The following NEGR1 variants were observed in gnomAD, a reference collection of about 807,000 sequenced individuals.
NEGR1 encodes the protein IgLON family member 4.
Under a neutral mutation model 40.9 loss-of-function variants are expected in NEGR1, and 10 were observed. The observed-to-expected ratio is 0.24, with a 90% CI of 0.15 to 0.42. The LOEUF (loss-of-function observed/expected upper bound fraction) is 0.42, where lower values mean the gene tolerates loss of function less well. Among genes scored for constraint, NEGR1 ranks in the 10% least tolerant of loss-of-function variants. NEGR1 has a pLI of 1.00. For missense variants in NEGR1, 352 were observed against 438.9 expected (o/e 0.80, Z 1.77); for synonymous variants, 185 against 166.8 (o/e 1.11, Z -0.84).
intron 2 of NEGR1, among the ~76,000 whole-genome samples, chr1:71,873,207 C>T (rs1660330891): frequency 6.9e-6 from 1 of 145,910 alleles, no homozygotes; most frequent in Admixed American, 6.9e-5. Context: ...ACATGAATAA[C>T]ATTTATATTT....
intron 2 of NEGR1, among the ~76,000 whole-genome samples, chr1:71,794,710 C>G (rs911565926): frequency 6.6e-6 from 1 of 151,722 alleles, no homozygotes; most frequent in Admixed American, 6.6e-5. Flanking sequence ...AAAACACAAG[C>G]CAGATGAAAA....
At chr1:72,000,802 T>G (rs1646550484) in intron 1 of NEGR1, among the ~76,000 whole-genome samples, 1 of 152,160 alleles carries the variant, frequency 6.6e-6, no homozygotes, top group African/African-American at 2.4e-5. Flanking sequence ...TATTTTATAT[T>G]CTCAGGATCT....
intron 4 of NEGR1, among the ~76,000 whole-genome samples, chr1:71,617,142 G>A (rs374263207): frequency 9.8e-5 from 15 of 152,350 alleles, no homozygotes; most frequent in Admixed American, 8.5e-4. Context: ...CCAAAAGCAT[G>A]ATTCTCGTGA....
intron 1 of NEGR1, among the ~76,000 whole-genome samples, chr1:72,005,409 C>G (rs1234103238): frequency 6.6e-6 from 1 of 152,120 alleles, no homozygotes; most frequent in Non-Finnish European, 1.5e-5. Flanking sequence ...AGATTACATA[C>G]TCATTATTAG....
In NEGR1 at chr1:71,824,824, C is replaced by T. The variant is rs570608310; in HGVS notation, c.410-48527G>A. The stretch of plus-strand genomic sequence containing the variant: ...TAAGATTTGTCCACACTGCATGTGT[C>T]GTTGATTTATTCTTAGTTATTACTG... On this transcript the variant is annotated intron_variant, in intron 2 of 6. Transcript: ENST00000357731. 9.8e-4 allele frequency among the ~76,000 whole-genome samples: 149 copies of T among 152,048 alleles called. 2 individuals carry two copies. The highest frequency in any genetic ancestry group is 3.3e-3 in the African/African-American group (137 of 41,546).
At chr1:71,873,118 C>CAAAAAAAA (rs34592789) in intron 2 of NEGR1, among the ~76,000 whole-genome samples, 82 of 81,554 alleles carry the variant, frequency 1.0e-3, no homozygotes, top group Middle Eastern at 9.3e-3. Flanking sequence ...AAAGATGTAG[C>CAAAAAAAA]AAAAAAAAAA....
At chr1:71,428,619 A>C (rs1359688157) in intron 6 of NEGR1, among the ~76,000 whole-genome samples, 2 of 150,660 alleles carry the variant, frequency 1.3e-5, no homozygotes, top group African/African-American at 4.9e-5. Flanking sequence ...TATGTTTTAA[A>C]AACTTTGCAT....
chr1:72,126,517 T>C (rs140608135), intron 1 of NEGR1, among the ~76,000 whole-genome samples: 7 of 152,298 alleles, frequency 4.6e-5, no homozygotes, highest in Non-Finnish European at 7.3e-5. Context: ...AGCAGCACCA[T>C]ACTATGACAC....
chr1:71,935,117 T>C lies in NEGR1; in HGVS notation c.371A>G (p.His124Arg), dbSNP rs779311182. The part of the protein sequence containing the change: ...GPYTCSVQTQ[H>R]TPRTMQVHLT... ...ATGCACCTGCATTGTTCTGGGTGTA[T>C]GTTGAGTCTGAACAGAACACGTGTA... Residue 124 changes from histidine (H) to arginine (R), a missense_variant, in exon 2 of 7, where the codon CAT becomes CGT. Physicochemically the swap from His to Arg is conservative, Grantham distance 29. Coordinates refer to ENST00000357731, the MANE Select transcript of NEGR1 (RefSeq NM_173808.3). The C allele has an allele frequency of 1.2e-6, 2 of 1,613,120 alleles. No individual in the cohort carries two copies. Among genetic ancestry groups the C allele is most frequent in the Non-Finnish European group, 1.7e-6 (2 of 1,179,116 alleles).
chr1:71,489,232 C>G (rs1646908653), intron 6 of NEGR1, among the ~76,000 whole-genome samples: 1 of 151,752 alleles, frequency 6.6e-6, no homozygotes, highest in Non-Finnish European at 1.5e-5. Context: ...GGAGCTCTTT[C>G]ATGAGGTTTT....
intron 1 of NEGR1, among the ~76,000 whole-genome samples, chr1:72,183,257 CA>C (rs1007778011): frequency 1.3e-5 from 2 of 152,104 alleles, no homozygotes; most frequent in African/African-American, 4.8e-5. Context: ...GTATCTTTGC[CA>C]AGGCCGGACT....
At chr1:71,886,504 TGAG>T (rs1336953100) in intron 2 of NEGR1, among the ~76,000 whole-genome samples, 1 of 150,994 alleles carries the variant, frequency 6.6e-6, no homozygotes, top group Non-Finnish European at 1.5e-5. Flanking sequence ...AAGGAGGAAT[TGAG>T]GGTGAGGCAG....
intron 1 of NEGR1, among the ~76,000 whole-genome samples, chr1:72,261,447 A>G (rs1436645693): frequency 6.6e-6 from 1 of 152,148 alleles, no homozygotes; most frequent in East Asian, 1.9e-4. Context: ...AAAATCCAAA[A>G]TAGTTTTATT....
rs765108633 is a variant in NEGR1, at chr1:71,797,053, T to C, written c.410-20756A>G. ...TTGTATCATTAAAGAGGAGAAGGACTTCAGACAAGCTAGTATTGCTTGCAG... is the reference window on the plus strand; with the variant it reads ...TTGTATCATTAAAGAGGAGAAGGACCTCAGACAAGCTAGTATTGCTTGCAG... On this transcript the variant is annotated intron_variant, in intron 2 of 6. Coordinates refer to ENST00000357731, the MANE Select transcript of NEGR1 (RefSeq NM_173808.3). 2.4e-4 allele frequency among the ~76,000 whole-genome samples: 37 copies of C among 152,074 alleles called. 1 individual carries two copies. The highest frequency in any genetic ancestry group is 4.6e-4 in the Non-Finnish European group (31 of 67,994).
chr1:72,169,295 GCTAT>G (rs1651879325), intron 1 of NEGR1, among the ~76,000 whole-genome samples: 1 of 151,962 alleles, frequency 6.6e-6, no homozygotes, highest in Non-Finnish European at 1.5e-5. Flanking sequence ...ATGTCTTTTA[GCTAT>G]CTTTTTGTGA....
intron 1 of NEGR1, among the ~76,000 whole-genome samples, chr1:72,269,470 A>C (rs553464653): frequency 6.6e-6 from 1 of 151,820 alleles, no homozygotes; most frequent in East Asian, 1.9e-4. Context: ...TTCAGGACAT[A>C]TTGCGGCTTT....
intron 1 of NEGR1, chr1:72,100,752 A>C (rs2100243849): frequency 6.6e-6 from 1 of 152,344 alleles, no homozygotes; most frequent in Middle Eastern, 3.4e-3. Flanking sequence ...TACCTGTATT[A>C]GTTTGCTCGG....
Position 71,778,859 on chromosome 1 carries a change from C to T in NEGR1, c.410-2562G>A, listed in dbSNP as rs527320908. ...TATATTTAAAGTGCTAAACATTATG[C>T]TAAACTAATATTCAGCACTAGTATT... On this transcript the variant is annotated intron_variant, in intron 2 of 6. Transcript: ENST00000357731. Among the ~76,000 whole-genome samples the T allele has an allele frequency of 3.3e-5, 5 of 152,086 alleles. No individual in the cohort carries two copies. The South Asian group carries it at 6.2e-4, about 19-fold the overall frequency.
chr1:71,814,008 G>A (rs1309251370), intron 2 of NEGR1, among the ~76,000 whole-genome samples: 1 of 152,042 alleles, frequency 6.6e-6, no homozygotes. Flanking sequence ...TCTTGTGCCA[G>A]TTTTCAAGGG....
Sources: allele counts gnomAD v4.1 joint callset (sites outside exome capture counted in the v4.1 genomes callset), GRCh38; gene constraint gnomAD v4.1.1; transcripts MANE v1.5; gene names NCBI Gene and HGNC (gene_info 2026-07-23, HGNC 2026-07-21).